RTTN: variants seen among roughly 807,000 people sequenced by gnomAD.
The protein encoded by RTTN is rotatin.
In RTTN, 182 loss-of-function variants were observed where a neutral mutation model predicts 269.2. The ratio of observed to expected loss-of-function variants is 0.68; its 90% CI spans 0.60 to 0.76. The LOEUF is 0.76. Among genes scored for constraint, RTTN ranks in the 30% least tolerant of loss-of-function variants. The pLI, the probability that RTTN is intolerant of heterozygous loss-of-function variation, is 0.00. For synonymous variants in RTTN, 1,006 were observed against 963.5 expected, an observed-to-expected ratio of 1.04 and a Z score of -0.82; for missense variants, 2,545 against 2,608.6, an observed-to-expected ratio of 0.98 and a Z score of 0.53.
intron 40 of RTTN, among the ~76,000 whole-genome samples, chr18:70,036,040 C>CA (rs1470598616): frequency 6.6e-6 from 1 of 152,042 alleles, no homozygotes; most frequent in Non-Finnish European, 1.5e-5. Context: ...ACTAAGAAGT[C>CA]AAAAAATAAC....
rs2056099097 is a variant in RTTN at position 70,003,822 on chromosome 18, ATT to A, written c.*327_*328del. 1 of 174,548 alleles carries A rather than the reference ATT, an allele frequency of 5.7e-6. No homozygotes were observed. 10.8% of individuals were successfully genotyped at this position (174,548 alleles called of 1,614,324 possible). A position where few individuals can be genotyped will look rare whatever the true frequency, so the allele number is the denominator to read the frequency against. ...TAGTCAATTTTTAGTTTCTAAAAAT[ATT>A]GTTTTATTAAATAACTGTTAAATAG... On this transcript the variant is annotated 3_prime_UTR_variant, in exon 49 of 49. Transcript: ENST00000640769.
At chr18:70,098,794 T>C (rs2059074107) in intron 28 of RTTN, among the ~76,000 whole-genome samples, 1 of 152,084 alleles carries the variant, frequency 6.6e-6, no homozygotes, top group African/African-American at 2.4e-5. Context: ...CCCTCCACCC[T>C]CCTCCTACCC....
At chr18:70,068,055 TA>T (rs1402021828) in intron 34 of RTTN, among the ~76,000 whole-genome samples, 1 of 152,234 alleles carries the variant, frequency 6.6e-6, no homozygotes, top group Admixed American at 6.5e-5. Flanking sequence ...TACTAGCCTC[TA>T]TTTTTTAAGT....
chr18:70,124,142 TGAA>T (rs2059805268), intron 25 of RTTN, among the ~76,000 whole-genome samples: 1 of 151,778 alleles, frequency 6.6e-6, no homozygotes, highest in Non-Finnish European at 1.5e-5. Context: ...TATGTTTAAA[TGAA>T]GAGCTGTCAC....
chr18:70,013,762 G>A (rs898763829), intron 46 of RTTN, among the ~76,000 whole-genome samples: 5 of 152,132 alleles, frequency 3.3e-5, no homozygotes, highest in African/African-American at 1.2e-4. Context: ...TAATTACAGT[G>A]AGTTGTCAGT....
intron 46 of RTTN, among the ~76,000 whole-genome samples, chr18:70,013,535 T>A (rs2056456950): frequency 6.6e-6 from 1 of 152,076 alleles, no homozygotes; most frequent in Non-Finnish European, 1.5e-5. Flanking sequence ...AATAAAACAA[T>A]TTTGAGTTCA....
chr18:70,192,983 A>G (rs957889680), intron 8 of RTTN: 2 of 229,702 alleles, frequency 8.7e-6, no homozygotes, highest in African/African-American at 4.5e-5. Flanking sequence ...CAAACATAGT[A>G]TCAGAATACT....
intron 11 of RTTN, among the ~76,000 whole-genome samples, chr18:70,172,756 T>C (rs1207257814): frequency 6.6e-6 from 1 of 152,022 alleles, no homozygotes; most frequent in Non-Finnish European, 1.5e-5. Context: ...AAATTACTGA[T>C]TTCTTTTTGG....
At chr18:70,149,253 G>A (rs1002167362) in intron 16 of RTTN, among the ~76,000 whole-genome samples, 1 of 151,928 alleles carries the variant, frequency 6.6e-6, no homozygotes, top group Non-Finnish European at 1.5e-5. Context: ...AGAACTTCAG[G>A]AAAACATGCC....
At chr18:70,080,800 A>T (rs1293106829) in intron 32 of RTTN, among the ~76,000 whole-genome samples, 2 of 152,174 alleles carry the variant, frequency 1.3e-5, no homozygotes, top group Non-Finnish European at 2.9e-5. Flanking sequence ...CCCAGAGGAA[A>T]AGAAGTCATT....
At chr18:70,048,713 G>T (rs1391332926) in intron 39 of RTTN, among the ~76,000 whole-genome samples, 1 of 152,092 alleles carries the variant, frequency 6.6e-6, no homozygotes, top group Non-Finnish European at 1.5e-5. Flanking sequence ...AAAGTAGTCA[G>T]CAGTAGGGTT....
intron 27 of RTTN, among the ~76,000 whole-genome samples, chr18:70,111,279 T>G (rs1353638667): frequency 6.6e-6 from 1 of 152,146 alleles, no homozygotes; most frequent in Non-Finnish European, 1.5e-5. Context: ...CACCTCCTAG[T>G]AGGGGCCAAC....
chr18:70,163,981 G>GT (rs983795691), intron 14 of RTTN, among the ~76,000 whole-genome samples: 6 of 152,122 alleles, frequency 3.9e-5, no homozygotes, highest in Non-Finnish European at 7.4e-5. Flanking sequence ...GACAAACACT[G>GT]TATGATTCTA....
At chr18:70,043,662 T>C (rs1423896016) in intron 40 of RTTN, among the ~76,000 whole-genome samples, 1 of 152,192 alleles carries the variant, frequency 6.6e-6, no homozygotes, top group Admixed American at 6.5e-5. Context: ...GATACAACTG[T>C]TTGGTTCTCT....
intron 4 of RTTN, among the ~76,000 whole-genome samples, chr18:70,199,808 T>C (rs1011369428): frequency 2.6e-5 from 4 of 152,250 alleles, no homozygotes; most frequent in Admixed American, 6.5e-5. Context: ...TATTTTACCC[T>C]GTGGCTGACC....
At chr18:70,192,089 A>T (rs1370877702) in intron 8 of RTTN, among the ~76,000 whole-genome samples, 1 of 152,200 alleles carries the variant, frequency 6.6e-6, no homozygotes, top group Non-Finnish European at 1.5e-5. Flanking sequence ...TAATAATACT[A>T]ATGCTATATA....
chr18:70,088,230 T>C, intron 30 of RTTN, 83 bp from the exon 31 acceptor site: 5 of 1,277,426 alleles, frequency 3.9e-6, no homozygotes, highest in East Asian at 2.4e-5. Flanking sequence ...TACATAAATA[T>C]CACACTTTAA....
At chr18:70,050,625 T>TATGTTTACTG (rs2057633694) in intron 39 of RTTN, among the ~76,000 whole-genome samples, 2 of 152,288 alleles carry the variant, frequency 1.3e-5, no homozygotes, top group South Asian at 4.1e-4. Flanking sequence ...AATGCACACA[T>TATGTTTACTG]ATGTTTACTG....
chr18:70,088,717 G>A (rs891050081), intron 30 of RTTN, among the ~76,000 whole-genome samples: 2 of 152,008 alleles, frequency 1.3e-5, no homozygotes, highest in African/African-American at 4.8e-5. Context: ...TTCTGAATTC[G>A]AATCCAAAAA....
Sources: gnomAD v4.1 joint callset for allele counts (sites outside exome capture counted in the v4.1 genomes callset) on GRCh38, gnomAD v4.1.1 for gene constraint, MANE v1.5 for transcripts, NCBI Gene and HGNC (gene_info 2026-07-23, HGNC 2026-07-21) for gene names.